SLIT1: variants seen among roughly 807,000 people sequenced by gnomAD.
SLIT1 encodes slit homolog 1 protein.
Under a neutral mutation model 186.1 loss-of-function variants are expected in SLIT1, and 66 were observed. The observed-to-expected ratio is 0.35, with a 90% confidence interval of 0.29 to 0.44. The LOEUF is 0.44. Among genes scored for constraint, SLIT1 ranks in the 20% least tolerant of loss-of-function variants. SLIT1 has a pLI of 1.00. For synonymous variants in SLIT1, 761 were observed against 833.8 expected, an observed-to-expected ratio of 0.91 and a Z score of 1.50; for missense variants, 1,638 against 2,037.4, an observed-to-expected ratio of 0.80 and a Z score of 3.77.
At chr10:97,067,022 A>G (rs1351618321) in intron 4 of SLIT1, among the ~76,000 whole-genome samples, 1 of 152,246 alleles carries the variant, frequency 6.6e-6, no homozygotes, top group East Asian at 1.9e-4. Context: ...GGAAGGACAG[A>G]ATTGGCTCCG....
At chr10:97,058,072 TGTC>T (rs1564664294) in intron 11 of SLIT1, 3 of 717,430 alleles carry the variant, frequency 4.2e-6, no homozygotes, top group Middle Eastern at 4.6e-4. Flanking sequence ...TGTGTGTGCC[TGTC>T]GTGTGTGGAC....
Position 97,129,337 on chromosome 10 carries a change from G to A in SLIT1, c.413+28481C>T, listed in dbSNP as rs544258357. ...GAATCACTTGAACCTCTGGGGCAGA[G>A]GTTGCAGTGAGCTGAGGTCATGCCA... is the stretch of plus-strand genomic sequence containing the variant. On this transcript the variant is annotated intron_variant, in intron 4 of 36. Coordinates refer to ENST00000266058, the MANE Select transcript of SLIT1 (RefSeq NM_003061.3). Among the ~76,000 whole-genome samples the A allele has an allele frequency of 5.3e-5, 8 of 151,742 alleles. No homozygotes were observed. In the East Asian group the frequency reaches 1.2e-3, roughly 22 times the overall value.
intron 9 of SLIT1, among the ~76,000 whole-genome samples, 187 bp downstream of exon 9, chr10:97,060,453 A>G (rs932278079): frequency 6.6e-6 from 1 of 152,210 alleles, no homozygotes; most frequent in African/African-American, 2.4e-5. Flanking sequence ...CTCCCTCCCC[A>G]GCCCTCCAGA....
At position 97,060,162 on chromosome 10, in the gene SLIT1, CG is replaced by C. The variant is rs1564664818; in HGVS notation, c.942-5del. 3.1e-6 allele frequency: 5 copies of C among 1,613,658 alleles called. No homozygotes were observed. ...GATGCCGTTCAGCTCCAGGCGTCTGCGGGGAGAAAAGAGAGGGGAAGCCCAA... is the reference window on the plus strand; with the variant it reads ...GATGCCGTTCAGCTCCAGGCGTCTGCGGGAGAAAAGAGAGGGGAAGCCCAA... On this transcript the variant is annotated splice_polypyrimidine_tract_variant and splice_region_variant and intron_variant, in intron 9 of 36. Transcript: ENST00000266058.
intron 4 of SLIT1, among the ~76,000 whole-genome samples, chr10:97,125,856 AC>A (rs1384837869): frequency 6.6e-6 from 1 of 150,718 alleles, no homozygotes; most frequent in Non-Finnish European, 1.5e-5. Flanking sequence ...ACAAAAAAAA[AC>A]AAAAAAAACA....
At chr10:97,045,208 TA>T (rs879446847) in intron 18 of SLIT1, among the ~76,000 whole-genome samples, 413 of 137,506 alleles carry the variant, frequency 3.0e-3, no homozygotes, top group African/African-American at 5.2e-3. Flanking sequence ...ACATTGCTTA[TA>T]AAAAAAAAAA....
chr10:97,030,853 G>A, intron 24 of SLIT1, 25 bp from the exon 25 acceptor site: 1 of 1,603,992 alleles, frequency 6.2e-7, no homozygotes. Flanking sequence ...GGCTGCTGGT[G>A]CCTTATCCAG....
chr10:97,065,154 A>G (rs1848933392), intron 5 of SLIT1, among the ~76,000 whole-genome samples: 1 of 151,312 alleles, frequency 6.6e-6, no homozygotes, highest in Non-Finnish European at 1.5e-5. Flanking sequence ...ACACACACAC[A>G]CACACACACA....
rs1333345688 is a variant in SLIT1, at chr10:97,002,731, G to A, written c.4127C>T (p.Pro1376Leu). The change falls in exon 35 of 37, where the codon CCC (proline) becomes CTC (leucine). Residue 1376 changes from proline to leucine, a missense_variant. Physicochemically the swap from Pro to Leu is moderately conservative, Grantham distance 98 (BLOSUM62 -3). Coordinates refer to ENST00000266058, the MANE Select transcript of SLIT1 (RefSeq NM_003061.3). The part of the protein sequence containing the change: ...AGWVGLHCDQ[P>L]ADGPCHGHKC... ...GTGGCCATGGCAGGGGCCGTCAGCG[G>A]GCTGGTCACAGTGCAGGCCCACCCA... 1 of 1,593,428 alleles carries A rather than the reference G, an allele frequency of 6.3e-7. No homozygotes were observed. The highest frequency in any genetic ancestry group is 1.1e-5 in the South Asian group (1 of 89,618).
intron 1 of SLIT1, among the ~76,000 whole-genome samples, chr10:97,180,300 G>T (rs778656316): frequency 2.6e-5 from 4 of 152,216 alleles, no homozygotes; most frequent in African/African-American, 4.8e-5. Context: ...GCGCTCCTGC[G>T]AGCATTACCG....
chr10:97,146,591 T>C (rs1564687687), intron 4 of SLIT1, among the ~76,000 whole-genome samples: 2 of 150,568 alleles, frequency 1.3e-5, no homozygotes, highest in Non-Finnish European at 3.0e-5. Context: ...CAGTAGATTT[T>C]ATTTATCCTG....
intron 4 of SLIT1, among the ~76,000 whole-genome samples, chr10:97,148,080 C>T (rs1209564550): frequency 1.3e-5 from 2 of 152,180 alleles, no homozygotes; most frequent in Non-Finnish European, 2.9e-5. Flanking sequence ...TCCTGTACTC[C>T]AAGCCTGGAT....
chr10:97,031,499 T>C lies in SLIT1; in HGVS notation c.2510+107A>G, dbSNP rs1292390334. 24 of 816,948 alleles carry C rather than the reference T, an allele frequency of 2.9e-5. No homozygotes were observed. The South Asian group carries it at 3.4e-4, about 12-fold the overall frequency. The allele number at this position is 816,948 out of a possible 1,614,324, so 50.6% of individuals were successfully genotyped here. On this transcript the variant is annotated intron_variant, in intron 24 of 36. Transcript: ENST00000266058. ...AGTGACAGCACTCTGGACTCCACCA[T>C]GGCACAGCGTGGGCCCTAGACATGG...
chr10:97,060,019 C>T (rs1848877387), intron 10 of SLIT1, 68 bp downstream of exon 10: 10 of 1,357,646 alleles, frequency 7.4e-6, no homozygotes, highest in Non-Finnish European at 8.5e-6. Flanking sequence ...TGCCCCAGGG[C>T]TGTGGGACCA....
At chr10:97,168,232 A>G (rs1157627919) in intron 1 of SLIT1, among the ~76,000 whole-genome samples, 1 of 152,224 alleles carries the variant, frequency 6.6e-6, no homozygotes, top group African/African-American at 2.4e-5. Context: ...TATCCATAAT[A>G]CCCAACATAT....
In SLIT1 at chr10:97,184,358, C is replaced by T. The variant is rs1850382346; in HGVS notation, c.197+1120G>A. Among the ~76,000 whole-genome samples the T allele has an allele frequency of 6.6e-6, 1 of 152,052 alleles. No individual in the cohort carries two copies. Among genetic ancestry groups the T allele is most frequent in the Non-Finnish European group, 1.5e-5 (1 of 68,002 alleles). ...TTTCAAAGGAGCCAGCAGCCTTCTC[C>T]AAAGCCCTGTTCAAAAATCTCCTGG... On this transcript the variant is annotated intron_variant, in intron 1 of 36. Coordinates refer to ENST00000266058, the MANE Select transcript of SLIT1 (RefSeq NM_003061.3). The surrounding 1 kb of genome is among the most constrained non-coding windows in gnomAD (Gnocchi z 4.4).
Position 97,019,410 on chromosome 10 carries a change from G to A in SLIT1, c.2747-303C>T, listed in dbSNP as rs566577478. 3.9e-5 allele frequency among the ~76,000 whole-genome samples: 6 copies of A among 152,324 alleles called. No homozygotes were observed. The East Asian group carries it at 9.6e-4, about 24-fold the overall frequency. Reference sequence around the variant, plus strand: ...ACTGTGCACAGTGGCCATTAGGGCCGCATGATCCATGTAAGAAGGGGACAG... The same window carrying A: ...ACTGTGCACAGTGGCCATTAGGGCCACATGATCCATGTAAGAAGGGGACAG... On this transcript the variant is annotated intron_variant, in intron 26 of 36. Coordinates refer to ENST00000266058, the MANE Select transcript of SLIT1 (RefSeq NM_003061.3).
intron 1 of SLIT1, among the ~76,000 whole-genome samples, chr10:97,177,012 C>T (rs1850265248): frequency 6.6e-6 from 1 of 152,206 alleles, no homozygotes; most frequent in Admixed American, 6.5e-5. Flanking sequence ...CTGGGCACTC[C>T]AGAATCCAAA....
intron 8 of SLIT1, among the ~76,000 whole-genome samples, chr10:97,062,212 C>T (rs1002887199): frequency 1.3e-5 from 2 of 151,714 alleles, no homozygotes; most frequent in African/African-American, 4.8e-5. Flanking sequence ...CACACACACT[C>T]ATACGCACAT....
Sources: gnomAD v4.1 joint callset for allele counts (sites outside exome capture counted in the v4.1 genomes callset) on GRCh38, gnomAD v4.1.1 for gene constraint, Gnocchi (gnomAD v3.1) non-coding constraint, MANE v1.5 for transcripts, NCBI Gene and HGNC (gene_info 2026-07-23, HGNC 2026-07-21) for gene names.